Variants in SORCS1 observed in about 807,000 individuals in gnomAD.
SORCS1 encodes VPS10 domain-containing receptor SorCS1.
In SORCS1, 60 loss-of-function variants were observed where a neutral mutation model predicts 146.1. The observed-to-expected ratio is 0.41, with a 90% confidence interval of 0.33 to 0.51. The LOEUF is 0.51. SORCS1 is among the 20% of genes least tolerant of loss of function. The probability of loss-of-function intolerance (pLI) is 0.21; values close to 1 mark genes in which losing one functional copy is unlikely to be tolerated. For synonymous variants in SORCS1, 637 were observed against 584.0 expected (o/e 1.09, Z -1.31); for missense variants, 1,352 against 1,487.6 (o/e 0.91, Z 1.50).
intron 3 of SORCS1, among the ~76,000 whole-genome samples, chr10:106,782,126 T>C (rs1860943077): frequency 6.6e-6 from 1 of 152,230 alleles, no homozygotes; most frequent in Non-Finnish European, 1.5e-5. Flanking sequence ...GACTGTCTGC[T>C]TGTGACCTGG....
chr10:106,884,143 A>G (rs1248528463), intron 2 of SORCS1, among the ~76,000 whole-genome samples: 1 of 151,604 alleles, frequency 6.6e-6, no homozygotes, highest in Non-Finnish European at 1.5e-5. Flanking sequence ...TCTTTCTCTC[A>G]TTGTAACTAT....
chr10:106,591,708 G>A (rs1241800100), intron 24 of SORCS1, among the ~76,000 whole-genome samples: 1 of 152,202 alleles, frequency 6.6e-6, no homozygotes, highest in Non-Finnish European at 1.5e-5. Context: ...TGATTCAAAA[G>A]GTGATGGTCA....
rs1950294701 is a variant in SORCS1 at position 106,868,357 on chromosome 10, T to G, written c.627-38684A>C. Among the ~76,000 whole-genome samples, 3 of 152,152 alleles carry G rather than the reference T, an allele frequency of 2.0e-5. No individual in the cohort carries two copies. The South Asian group carries it at 6.2e-4, about 32-fold the overall frequency. On this transcript the variant is annotated intron_variant, in intron 2 of 25. Coordinates refer to ENST00000263054, the MANE Select transcript of SORCS1 (RefSeq NM_052918.5). ...TTGTACCAAATCAATCTGATAGACC[T>G]CTACAGAACTCTCCACCCAAAAACA...
chr10:107,126,267 T>A (rs192781923), intron 1 of SORCS1, among the ~76,000 whole-genome samples: 1 of 152,198 alleles, frequency 6.6e-6, no homozygotes, highest in East Asian at 1.9e-4. Flanking sequence ...CTCCAATGTC[T>A]GCTCCTAGTT....
chr10:106,827,902 T>C (rs939568413), intron 3 of SORCS1, among the ~76,000 whole-genome samples: 4 of 152,190 alleles, frequency 2.6e-5, no homozygotes, highest in Non-Finnish European at 5.9e-5. Context: ...TAGCCATATT[T>C]CAAACATTCA....
rs10658432 is a variant in SORCS1, at chr10:106,674,328, CAAAAA to C, written c.1940+716_1940+720del. ...TGGGCGACAGAGTAAGACTCCGTCTCAAAAAAAAAAAAAAAAAAAAAAAAAAAAAG... is the reference window on the plus strand; with the variant it reads ...TGGGCGACAGAGTAAGACTCCGTCTCAAAAAAAAAAAAAAAAAAAAAAAAG... On this transcript the variant is annotated intron_variant, in intron 14 of 25. Transcript: ENST00000263054. Among the ~76,000 whole-genome samples, 156 of 27,342 alleles carry C rather than the reference CAAAAA, an allele frequency of 5.7e-3. 2 individuals are homozygous for C. In the East Asian group the frequency reaches 0.063, roughly 11 times the overall value. 17.9% of individuals were successfully genotyped at this position (27,342 alleles called of 152,430 possible). A position where few individuals can be genotyped will look rare whatever the true frequency, so the allele number is the denominator to read the frequency against.
intron 21 of SORCS1, among the ~76,000 whole-genome samples, chr10:106,616,033 G>T (rs2133453156): frequency 6.6e-6 from 1 of 152,278 alleles, no homozygotes; most frequent in Non-Finnish European, 1.5e-5. Flanking sequence ...AGATGCCAGT[G>T]GCTAGCAAAG....
chr10:106,799,255 C>T (rs1483119706), intron 3 of SORCS1, among the ~76,000 whole-genome samples: 2 of 152,160 alleles, frequency 1.3e-5, no homozygotes, highest in South Asian at 2.1e-4. Flanking sequence ...ACTTAAATGT[C>T]AGACCTAAAA....
chr10:106,822,966 A>T (rs112149307), intron 3 of SORCS1, among the ~76,000 whole-genome samples: 13 of 151,814 alleles, frequency 8.6e-5, no homozygotes, highest in Non-Finnish European at 1.6e-4. Context: ...TATTTTTAGT[A>T]GAGACAGGGT....
At chr10:106,875,533 C>T (rs2137632737) in intron 2 of SORCS1, among the ~76,000 whole-genome samples, 1 of 152,242 alleles carries the variant, frequency 6.6e-6, no homozygotes, top group Middle Eastern at 3.4e-3. Context: ...TTTAAGGAAT[C>T]TCCATACTGT....
intron 3 of SORCS1, among the ~76,000 whole-genome samples, chr10:106,823,450 G>A (rs905479814): frequency 6.6e-6 from 1 of 152,174 alleles, no homozygotes; most frequent in African/African-American, 2.4e-5. Context: ...AAAGAAAGGA[G>A]TCAAAGCTGA....
At chr10:106,665,974 G>A (rs1851104206) in intron 17 of SORCS1, among the ~76,000 whole-genome samples, 1 of 152,062 alleles carries the variant, frequency 6.6e-6, no homozygotes, top group African/African-American at 2.4e-5. Context: ...CCAAGTAGCT[G>A]GGACTACAGG....
At chr10:107,079,835 C>A (rs967430892) in intron 1 of SORCS1, among the ~76,000 whole-genome samples, 1 of 152,126 alleles carries the variant, frequency 6.6e-6, no homozygotes, top group Non-Finnish European at 1.5e-5. Flanking sequence ...GATTTACTGG[C>A]CAATAATTAA....
At chr10:106,860,110 T>C (rs1328607290) in intron 2 of SORCS1, among the ~76,000 whole-genome samples, 1 of 152,152 alleles carries the variant, frequency 6.6e-6, no homozygotes, top group Admixed American at 6.5e-5. Flanking sequence ...TTATGAGACA[T>C]AAATATAAGA....
chr10:107,156,468 T>C (rs199833745), intron 1 of SORCS1, among the ~76,000 whole-genome samples: 2 of 152,214 alleles, frequency 1.3e-5, no homozygotes, highest in East Asian at 3.8e-4. Flanking sequence ...GTTCACTAAA[T>C]TGGTGGTTAT....
At chr10:106,953,203 C>T (rs1442225993) in intron 2 of SORCS1, among the ~76,000 whole-genome samples, 2 of 151,312 alleles carry the variant, frequency 1.3e-5, no homozygotes, top group Admixed American at 1.3e-4. Context: ...GCATGGTCAT[C>T]TCTCAGTACC....
chr10:106,628,256 C>T (rs1848224954), intron 19 of SORCS1, among the ~76,000 whole-genome samples: 1 of 152,182 alleles, frequency 6.6e-6, no homozygotes, highest in South Asian at 2.1e-4. Context: ...TAGTCTTGCC[C>T]TCTCACTGGA....
At chr10:106,849,375 C>T (rs1385050050) in intron 2 of SORCS1, among the ~76,000 whole-genome samples, 1 of 148,982 alleles carries the variant, frequency 6.7e-6, no homozygotes, top group African/African-American at 2.5e-5. Flanking sequence ...CAGTTGATCG[C>T]ATCGGCTCCT....
intron 1 of SORCS1, among the ~76,000 whole-genome samples, chr10:107,080,691 T>G (rs1327215993): frequency 1.3e-5 from 2 of 152,196 alleles, no homozygotes; most frequent in Non-Finnish European, 2.9e-5. Flanking sequence ...GTTGTTCCAC[T>G]GCTATGATAT....
Sources: gnomAD v4.1 joint callset for allele counts (sites outside exome capture counted in the v4.1 genomes callset) on GRCh38, gnomAD v4.1.1 for gene constraint, MANE v1.5 for transcripts, NCBI Gene and HGNC (gene_info 2026-07-23, HGNC 2026-07-21) for gene names.